SLBP: variants seen among roughly 807,000 people sequenced by gnomAD.
SLBP encodes the protein histone RNA hairpin-binding protein.
Under a neutral mutation model 39.2 loss-of-function variants are expected in SLBP, and 29 were observed. That is an observed-to-expected ratio of 0.74 (90% CI 0.55 to 1.01). SLBP has a LOEUF of 1.01. Among genes scored for constraint, SLBP ranks in the 50% least tolerant of loss-of-function variants. The pLI is 0.00. For missense variants in SLBP, 390 were observed against 350.2 expected (o/e 1.11, Z -0.91); for synonymous variants, 129 against 118.7 (o/e 1.09, Z -0.57).
In SLBP at chr4:1,693,731, G is replaced by A; in HGVS notation, c.697-18C>T. On this transcript the variant is annotated intron_variant, in intron 7 of 7. Transcript: ENST00000489418. ...TACACATCCTGGAAAACAGAAGCAT[G>A]GCTCGGTTGACATTCATCTCACCCT... 1 of 1,525,296 alleles carries A rather than the reference G, an allele frequency of 6.6e-7. No homozygotes were observed. The highest frequency in any genetic ancestry group is 9.1e-7 in the Non-Finnish European group (1 of 1,099,734). 94.5% of individuals were successfully genotyped at this position (1,525,296 alleles called of 1,614,324 possible). A position where few individuals can be genotyped will look rare whatever the true frequency, so the allele number is the denominator to read the frequency against.
Position 1,694,960 on chromosome 4 carries a change from T to G in SLBP, c.630-120A>C, listed in dbSNP as rs983524668. The G allele has an allele frequency of 1.1e-5, 8 of 724,514 alleles. No homozygotes were observed. In the Middle Eastern group the frequency reaches 9.2e-4, roughly 83 times the overall value. 44.9% of individuals were successfully genotyped at this position (724,514 alleles called of 1,614,324 possible). A position where few individuals can be genotyped will look rare whatever the true frequency, so the allele number is the denominator to read the frequency against. On this transcript the variant is annotated intron_variant, in intron 6 of 7. Coordinates refer to ENST00000489418, the MANE Select transcript of SLBP (RefSeq NM_006527.4). Reference sequence around the variant, plus strand: ...ACAACACTGACAGTGTGCCCGAGGCTCCCTGAGGGGTCAGCTTTCAGTGAC... The same window carrying G: ...ACAACACTGACAGTGTGCCCGAGGCGCCCTGAGGGGTCAGCTTTCAGTGAC...
Position 1,693,543 on chromosome 4 carries a change from G to T in SLBP, c.*54C>A. On this transcript the variant is annotated 3_prime_UTR_variant, in exon 8 of 8. Coordinates refer to ENST00000489418, the MANE Select transcript of SLBP (RefSeq NM_006527.4). Reference sequence around the variant, plus strand: ...CACACACATGCTTGGTGCCTGGCCAGCCTTCCACCTAGTCGGGGAGGAGCT... The same window carrying T: ...CACACACATGCTTGGTGCCTGGCCATCCTTCCACCTAGTCGGGGAGGAGCT... 9.4e-7 allele frequency: 1 copy of T among 1,064,036 alleles called. No individual in the cohort carries two copies. Among genetic ancestry groups the T allele is most frequent in the Non-Finnish European group, 1.5e-6 (1 of 679,976 alleles). The allele number at this position is 1,064,036 out of a possible 1,614,324, so 65.9% of individuals were successfully genotyped here.
At chr4:1,701,697 A>G (rs1008411692) in intron 3 of SLBP, among the ~76,000 whole-genome samples, 1 of 152,126 alleles carries the variant, frequency 6.6e-6, no homozygotes, top group African/African-American at 2.4e-5. Context: ...ACCTGAGGTC[A>G]GGAGTTCAAG....
At chr4:1,697,435 C>G (rs1370935665) in intron 5 of SLBP, among the ~76,000 whole-genome samples, 1 of 152,118 alleles carries the variant, frequency 6.6e-6, no homozygotes, top group East Asian at 1.9e-4. Flanking sequence ...TGCCACTGCA[C>G]TCCAGCCTGG....
intron 3 of SLBP, among the ~76,000 whole-genome samples, chr4:1,702,146 T>TA (rs1329037147): frequency 3.3e-5 from 5 of 152,212 alleles, no homozygotes; most frequent in African/African-American, 9.6e-5. Flanking sequence ...AGGCTATCGG[T>TA]ATGCAAGAAC....
chr4:1,710,888 A>ACAAATAC (rs1409229283), intron 2 of SLBP, among the ~76,000 whole-genome samples: 1 of 151,816 alleles, frequency 6.6e-6, no homozygotes, highest in Non-Finnish European at 1.5e-5. Context: ...TGTCTCTACT[A>ACAAATAC]CAAATACAAA....
intron 5 of SLBP, among the ~76,000 whole-genome samples, chr4:1,697,668 C>T (rs1421754348): frequency 1.3e-5 from 2 of 151,812 alleles, no homozygotes; most frequent in East Asian, 3.9e-4. Flanking sequence ...TGGAGAAACA[C>T]CATCTGTACT....
chr4:1,701,184 T>G (rs1716314589), intron 3 of SLBP, among the ~76,000 whole-genome samples: 1 of 150,124 alleles, frequency 6.7e-6, no homozygotes, highest in Non-Finnish European at 1.5e-5. Flanking sequence ...TCCCTCTTGT[T>G]GCCCAGACTG....
In SLBP at chr4:1,703,697, A is replaced by G. The variant is rs1716415670; in HGVS notation, c.180T>C (p.Phe60=). 1 of 1,605,158 alleles carries G rather than the reference A, an allele frequency of 6.2e-7. No individual in the cohort carries two copies. The highest frequency in any genetic ancestry group is 1.3e-5 in the African/African-American group (1 of 74,762). The change falls in exon 3 of 8, where the codon TTT becomes TTC. Residue 60 remains phenylalanine, a synonymous_variant. Transcript: ENST00000489418. ...GGGGTTTAGGGCCTTCAGGAGTGGTAAAGCTGCAATAAAAGGAAAATGCTA... is the reference window on the plus strand; with the variant it reads ...GGGGTTTAGGGCCTTCAGGAGTGGTGAAGCTGCAATAAAAGGAAAATGCTA... ...HRGAERRPES[F]TTPEGPKPRS...
chr4:1,708,513 G>A (rs1351089227), intron 2 of SLBP, among the ~76,000 whole-genome samples: 1 of 152,188 alleles, frequency 6.6e-6, no homozygotes, highest in Non-Finnish European at 1.5e-5. Flanking sequence ...CTCAATAGAG[G>A]TTTGTCCAGG....
At chr4:1,709,608 TACTTC>T (rs1716655282) in intron 2 of SLBP, among the ~76,000 whole-genome samples, 1 of 149,396 alleles carries the variant, frequency 6.7e-6, no homozygotes, top group Non-Finnish European at 1.5e-5. Context: ...CCTGAACATC[TACTTC>T]TTTTTTTTTT....
chr4:1,701,696 C>T (rs1716336815), intron 3 of SLBP, among the ~76,000 whole-genome samples: 1 of 152,070 alleles, frequency 6.6e-6, no homozygotes, highest in African/African-American at 2.4e-5. Context: ...CACCTGAGGT[C>T]AGGAGTTCAA....
intron 5 of SLBP, among the ~76,000 whole-genome samples, chr4:1,698,474 A>T (rs1368934912): frequency 8.5e-6 from 1 of 117,288 alleles, no homozygotes; most frequent in African/African-American, 3.7e-5. Flanking sequence ...CCAAAAAAGT[A>T]AAAAAAAAAA....
In SLBP at chr4:1,712,149, G is replaced by C; in HGVS notation, c.40C>G (p.Arg14Gly). 8.1e-7 allele frequency: 1 copy of C among 1,231,294 alleles called. No homozygotes were observed. Among genetic ancestry groups the C allele is most frequent in the Non-Finnish European group, 1.0e-6 (1 of 988,740 alleles). 76.3% of individuals were successfully genotyped at this position (1,231,294 alleles called of 1,614,324 possible). Residue 14 changes from arginine (R) to glycine (G), a missense_variant, in exon 1 of 8, where the codon CGC (arginine) becomes GGC (glycine). Physicochemically the swap from Arg to Gly is moderately radical, Grantham distance 125 (BLOSUM62 -2). Transcript: ENST00000489418. ...RPRSPPRHQS[R>G]CDGDASPPSP... is the part of the protein sequence containing the mutation. ...CCTCACCTGGCGTCACCGTCGCAGCGGCTCTGATGCCTCGGCGGGCTTCGC... is the reference window on the plus strand; with the variant it reads ...CCTCACCTGGCGTCACCGTCGCAGCCGCTCTGATGCCTCGGCGGGCTTCGC...
intron 1 of SLBP, 60 bp from the exon 2 acceptor site, chr4:1,712,050 G>A (rs1462219308): frequency 1.1e-5 from 14 of 1,237,054 alleles, no homozygotes; most frequent in African/African-American, 1.6e-5. Flanking sequence ...TACAACCTCC[G>A]CCCTCCCACA....
chr4:1,699,787 A>G (rs1194583378), intron 4 of SLBP, 86 bp from the exon 5 acceptor site: 2 of 1,277,596 alleles, frequency 1.6e-6, no homozygotes, highest in Middle Eastern at 1.9e-4. Flanking sequence ...TCAAAACACA[A>G]TAATGGAAGA....
rs971994599 is a variant in SLBP, at chr4:1,711,999, A to T, written c.60-9T>A. 3.1e-6 allele frequency: 4 copies of T among 1,286,626 alleles called. No individual in the cohort carries two copies. The African/African-American group carries it at 4.7e-5, about 15-fold the overall frequency. The allele number at this position is 1,286,626 out of a possible 1,614,324, so 79.7% of individuals were successfully genotyped here. A position where few individuals can be genotyped will look rare whatever the true frequency, so the allele number is the denominator to read the frequency against. ...GCGCGGGGGACGGCGGGCTGCGGGG[A>T]GGGACGCGGTCGGCTGGGCACGGGA... On this transcript the variant is annotated splice_polypyrimidine_tract_variant and intron_variant, in intron 1 of 7. Coordinates refer to ENST00000489418, the MANE Select transcript of SLBP (RefSeq NM_006527.4).
chr4:1,710,771 C>A (rs963079181), intron 2 of SLBP, among the ~76,000 whole-genome samples: 2 of 151,838 alleles, frequency 1.3e-5, no homozygotes, highest in Admixed American at 1.3e-4. Context: ...CAAAGGTGGC[C>A]GGGCGCGGTG....
At chr4:1,709,420 CAAG>C (rs1716647665) in intron 2 of SLBP, among the ~76,000 whole-genome samples, 2 of 152,158 alleles carry the variant, frequency 1.3e-5, no homozygotes, top group Non-Finnish European at 2.9e-5. Flanking sequence ...AAACAGTGTT[CAAG>C]AAGAAAGACA....
Sources: allele counts gnomAD v4.1 joint callset (sites outside exome capture counted in the v4.1 genomes callset), GRCh38; gene constraint gnomAD v4.1.1; transcripts MANE v1.5; gene names NCBI Gene and HGNC (gene_info 2026-07-23, HGNC 2026-07-21).